Variants in COL12A1 observed in about 807,000 individuals in gnomAD.
COL12A1 encodes the protein collagen alpha-1(XII) chain.
Under a neutral mutation model 349.7 loss-of-function variants are expected in COL12A1, and 114 were observed. That is an observed-to-expected ratio of 0.33 (90% CI 0.28 to 0.38). COL12A1 has a LOEUF of 0.38. Among genes scored for constraint, COL12A1 ranks in the 10% least tolerant of loss-of-function variants. The pLI is 1.00. For missense variants in COL12A1, 3,284 were observed against 3,756.9 expected (o/e 0.87, Z 3.29); for synonymous variants, 1,369 against 1,329.0 (o/e 1.03, Z -0.66).
intron 16 of COL12A1, among the ~76,000 whole-genome samples, chr6:75,155,308 C>A (rs1247177974): frequency 6.6e-6 from 1 of 152,114 alleles, no homozygotes; most frequent in East Asian, 1.9e-4. Context: ...GGTACAGGAA[C>A]CCCCATGCTT....
At chr6:75,095,702 C>G (rs1035037500) in intron 59 of COL12A1, among the ~76,000 whole-genome samples, 1 of 150,800 alleles carries the variant, frequency 6.6e-6, no homozygotes, top group Non-Finnish European at 1.5e-5. Context: ...TCCTTATGGA[C>G]TATATAGTTT....
At chr6:75,102,115 A>G in intron 56 of COL12A1, 63 bp from the exon 57 acceptor site, 1 of 1,472,154 alleles carries the variant, frequency 6.8e-7, no homozygotes, top group Non-Finnish European at 9.5e-7. Flanking sequence ...AAAAAGGAAG[A>G]CATGAGTCAC....
rs1249208387 is a variant in COL12A1 at position 75,086,413 on chromosome 6, C to T, written c.*134G>A. 8 of 644,144 alleles carry T rather than the reference C, an allele frequency of 1.2e-5. No individual in the cohort carries two copies. Among genetic ancestry groups the T allele is most frequent in the African/African-American group, 1.9e-5 (1 of 52,994 alleles). The allele number at this position is 644,144 out of a possible 1,614,324, so 39.9% of individuals were successfully genotyped here. ...CTCCACCCTCCTTTGTGATGTCGACCCGGTTCGTTAACCATTATCTGTGGT... is the reference window on the plus strand; with the variant it reads ...CTCCACCCTCCTTTGTGATGTCGACTCGGTTCGTTAACCATTATCTGTGGT... On this transcript the variant is annotated 3_prime_UTR_variant, in exon 66 of 66. Coordinates refer to ENST00000322507, the MANE Select transcript of COL12A1 (RefSeq NM_004370.6).
intron 2 of COL12A1, among the ~76,000 whole-genome samples, chr6:75,199,353 A>G (rs143839521): frequency 6.6e-6 from 1 of 152,308 alleles, no homozygotes; most frequent in African/African-American, 2.4e-5. Flanking sequence ...AATTTCTGTT[A>G]TAACACAAAT....
chr6:75,201,432 A>AT (rs987481543), intron 2 of COL12A1, among the ~76,000 whole-genome samples: 41 of 150,004 alleles, frequency 2.7e-4, no homozygotes, highest in East Asian at 1.9e-3. Context: ...GCTTCCCCTA[A>AT]TTTTTTTTTT....
intron 44 of COL12A1, among the ~76,000 whole-genome samples, chr6:75,120,834 C>T (rs1310701930): frequency 6.6e-6 from 1 of 152,204 alleles, no homozygotes; most frequent in African/African-American, 2.4e-5. Flanking sequence ...ATGAAATACG[C>T]TTTAGCTCAA....
chr6:75,174,594 C>T (rs1237058833), intron 13 of COL12A1, among the ~76,000 whole-genome samples: 1 of 152,092 alleles, frequency 6.6e-6, no homozygotes, highest in Non-Finnish European at 1.5e-5. Context: ...ATTTCTTGAG[C>T]TTTTATGCAT....
chr6:75,195,993 C>T (rs976281781), intron 2 of COL12A1, among the ~76,000 whole-genome samples: 1 of 152,190 alleles, frequency 6.6e-6, no homozygotes, highest in Non-Finnish European at 1.5e-5. Flanking sequence ...TGTAGAGCAT[C>T]ATGCATGTGT....
At chr6:75,136,219 T>C (rs1408710536) in intron 31 of COL12A1, among the ~76,000 whole-genome samples, 1 of 152,148 alleles carries the variant, frequency 6.6e-6, no homozygotes, top group Non-Finnish European at 1.5e-5. Flanking sequence ...AAAAAAGAAG[T>C]TCTGTTTCTG....
rs527690734 is a variant in COL12A1 at position 75,138,372 on chromosome 6, C to T, written c.5231-32G>A. ...GAAAACAGAATTTGGGAACACATTA[C>T]TAATATAGCTGTAGCCCTATTTTTT... On this transcript the variant is annotated intron_variant, in intron 29 of 65. Coordinates refer to ENST00000322507, the MANE Select transcript of COL12A1 (RefSeq NM_004370.6). The T allele has an allele frequency of 3.6e-4, 574 of 1,609,734 alleles. 10 individuals carry two copies. In the South Asian group the frequency reaches 6.2e-3, roughly 17 times the overall value.
chr6:75,146,389 C>T (rs1562220528), intron 23 of COL12A1, 145 bp from the exon 24 acceptor site: 7 of 905,398 alleles, frequency 7.7e-6, no homozygotes, highest in Non-Finnish European at 9.0e-6. Flanking sequence ...TATAATCCTT[C>T]CCATTGCCCC....
In COL12A1 at chr6:75,095,001, A is replaced by T. The variant is rs774975267; in HGVS notation, c.8649+107T>A. On this transcript the variant is annotated intron_variant, in intron 60 of 65. Coordinates refer to ENST00000322507, the MANE Select transcript of COL12A1 (RefSeq NM_004370.6). ...TTAGCATGGTTTCAACAAATGCTTC[A>T]AACACATTACAGCAGAGATAACCTA... 7.9e-4 allele frequency: 799 copies of T among 1,005,638 alleles called. 12 individuals carry two copies. The highest frequency in any genetic ancestry group is 2.1e-4 in the Middle Eastern group (1 of 4,758). The allele number at this position is 1,005,638 out of a possible 1,614,324, so 62.3% of individuals were successfully genotyped here.
At chr6:75,204,591 T>G (rs2149494551) in intron 1 of COL12A1, among the ~76,000 whole-genome samples, 1 of 152,258 alleles carries the variant, frequency 6.6e-6, no homozygotes, top group South Asian at 2.1e-4. Flanking sequence ...TTCTCAGACA[T>G]AAATATCTGA....
chr6:75,145,016 C>T (rs1767106993), intron 25 of COL12A1, among the ~76,000 whole-genome samples: 1 of 152,068 alleles, frequency 6.6e-6, no homozygotes, highest in Admixed American at 6.5e-5. Context: ...TCATAAGATG[C>T]ACCATTGTCT....
chr6:75,183,497 C>A lies in COL12A1; in HGVS notation c.1444G>T (p.Val482Leu). The change falls in exon 10 of 66, where the codon GTG (valine) becomes TTG (leucine). Residue 482 changes from valine (V) to leucine (L), a missense_variant. This residue lies in a region of COL12A1 where 2,601 missense variants were observed against 2,824.8 expected (regional missense o/e 0.92). Coordinates refer to ENST00000322507, the MANE Select transcript of COL12A1 (RefSeq NM_004370.6). ...GTATGAGGATCCCGGCTGTATTGCACAAGACTAATCTGGACCCTATTTGGT... is the reference window on the plus strand; with the variant it reads ...GTATGAGGATCCCGGCTGTATTGCAAAAGACTAATCTGGACCCTATTTGGT... The part of the protein sequence containing the change: ...ISPNRVQISL[V>L]QYSRDPHTEF... 1 of 1,614,142 alleles carries A rather than the reference C, an allele frequency of 6.2e-7. No individual in the cohort carries two copies. Among genetic ancestry groups the A allele is most frequent in the Non-Finnish European group, 8.5e-7 (1 of 1,180,022 alleles).
intron 34 of COL12A1, among the ~76,000 whole-genome samples, chr6:75,132,439 G>A (rs1766355121): frequency 6.6e-6 from 1 of 152,162 alleles, no homozygotes; most frequent in African/African-American, 2.4e-5. Context: ...TTTTTTAAGA[G>A]TCTGCCTTCT....
At chr6:75,178,651 A>T (rs538984598) in intron 11 of COL12A1, among the ~76,000 whole-genome samples, 48 of 152,354 alleles carry the variant, frequency 3.2e-4, no homozygotes, top group African/African-American at 1.1e-3. Context: ...CAATGGGGCC[A>T]ACTGCCTATA....
intron 39 of COL12A1, among the ~76,000 whole-genome samples, chr6:75,126,011 T>C (rs1207955392): frequency 6.6e-6 from 1 of 152,104 alleles, no homozygotes. Flanking sequence ...TACCTGGGCA[T>C]AGTGGGAAAA....
rs1554183547 is a variant in COL12A1 at position 75,156,241 on chromosome 6, A to C, written c.3250+16T>G. 6.2e-7 allele frequency: 1 copy of C among 1,611,784 alleles called. No homozygotes were observed. Among genetic ancestry groups the C allele is most frequent in the Admixed American group, 1.7e-5 (1 of 59,866 alleles). Reference sequence around the variant, plus strand: ...TTACCTTCTCTCCCCCTCAAAATATAATTATTATTTCATACCTGTTGTTCC... The same window carrying C: ...TTACCTTCTCTCCCCCTCAAAATATCATTATTATTTCATACCTGTTGTTCC... On this transcript the variant is annotated intron_variant, in intron 15 of 65. Coordinates refer to ENST00000322507, the MANE Select transcript of COL12A1 (RefSeq NM_004370.6).
Sources: allele counts gnomAD v4.1 joint callset (sites outside exome capture counted in the v4.1 genomes callset), GRCh38; gene constraint gnomAD v4.1.1; regional missense constraint gnomAD v4.1.1; transcripts MANE v1.5; gene names NCBI Gene and HGNC (gene_info 2026-07-23, HGNC 2026-07-21).